The following MYO5C variants were observed in gnomAD, a reference collection of about 807,000 sequenced individuals.
MYO5C encodes the protein myosin VC, also known as unconventional myosin-Vc.
Under a neutral mutation model 235.7 loss-of-function variants are expected in MYO5C, and 194 were observed. That is an observed-to-expected ratio of 0.82 (90% CI 0.73 to 0.93). MYO5C has a LOEUF of 0.93. Ranked by LOEUF, MYO5C falls within the 40% of genes least tolerant of loss-of-function variation. The pLI is 0.00. For missense variants in MYO5C, 2,038 were observed against 2,127.2 expected (o/e 0.96, Z 0.82); for synonymous variants, 707 against 754.8 (o/e 0.94, Z 1.04).
At chr15:52,286,379 G>C (rs1168004239) in intron 1 of MYO5C, among the ~76,000 whole-genome samples, 38 of 148,870 alleles carry the variant, frequency 2.6e-4, no homozygotes, top group African/African-American at 6.9e-4. Flanking sequence ...GCCTCTGCCC[G>C]GCCGCCCCTA....
At chr15:52,248,066 A>G (rs1366166445) in intron 14 of MYO5C, among the ~76,000 whole-genome samples, 1 of 152,144 alleles carries the variant, frequency 6.6e-6, no homozygotes, top group Admixed American at 6.5e-5. Context: ...CATTTAAAGC[A>G]CTTACTACCT....
chr15:52,280,259 T>A (rs955726911), intron 2 of MYO5C, among the ~76,000 whole-genome samples: 1 of 152,216 alleles, frequency 6.6e-6, no homozygotes, highest in Non-Finnish European at 1.5e-5. Flanking sequence ...GTGTCTCCTG[T>A]CTGCAGTTGC....
chr15:52,295,613 C>T lies in MYO5C; in HGVS notation c.24G>A (p.Thr8=). 1 of 1,492,272 alleles carries T rather than the reference C, an allele frequency of 6.7e-7. No individual in the cohort carries two copies. Among genetic ancestry groups the T allele is most frequent in the East Asian group, 3.0e-5 (1 of 33,682 alleles). The allele number at this position is 1,492,272 out of a possible 1,614,324, so 92.4% of individuals were successfully genotyped here. The change falls in exon 1 of 41, where the codon ACG becomes ACA. Residue 8 remains threonine (T), a synonymous_variant. Transcript: ENST00000261839. ...GGAGCCCAGCGGACCCTCCTACCTG[C>T]GTGTACAGCTCGGCCACCGCCATGG... MAVAELY[T]QYNRVWIPDP... is the part of the protein sequence containing the mutation.
At chr15:52,214,571 A>T (rs746797868) in intron 33 of MYO5C, 32 bp downstream of exon 33, 1 of 1,489,192 alleles carries the variant, frequency 6.7e-7, no homozygotes. Context: ...GCCTTAGCTC[A>T]AAAGAATAAG....
chr15:52,196,192 C>T (rs2035048306), intron 39 of MYO5C, 117 bp downstream of exon 39: 2 of 918,254 alleles, frequency 2.2e-6, no homozygotes, highest in Non-Finnish European at 3.2e-6. Flanking sequence ...GATAGGTATG[C>T]TCCCGAGAGT....
intron 36 of MYO5C, among the ~76,000 whole-genome samples, chr15:52,207,789 A>G (rs1194776021): frequency 6.6e-6 from 1 of 152,230 alleles, no homozygotes; most frequent in Non-Finnish European, 1.5e-5. Context: ...ATCAGTAACA[A>G]AAAAACCAAC....
At position 52,196,330 on chromosome 15, in the gene MYO5C, G is replaced by A; in HGVS notation, c.4974C>T (p.Cys1658=). The A allele has an allele frequency of 6.2e-7, 1 of 1,612,230 alleles. No individual in the cohort carries two copies. Among genetic ancestry groups the A allele is most frequent in the Non-Finnish European group, 8.5e-7 (1 of 1,179,408 alleles). ...DSDAKEIYER[C]TSLSAVQIIK... ...TCACCTGCACAGCAGACAGTGAGGT[G>A]CAGCGTTCGTAGATCTCCTTGGCAT... Residue 1658 remains cysteine, a synonymous_variant, in exon 39 of 41, where the codon TGC becomes TGT. Transcript: ENST00000261839.
chr15:52,274,678 C>G (rs4776034), intron 5 of MYO5C, among the ~76,000 whole-genome samples: 85,261 of 147,576 alleles, frequency 0.58, 28,939 homozygotes, highest in Non-Finnish European at 0.74. Flanking sequence ...GTACCCCCCC[C>G]CCGACATATG....
At chr15:52,274,936 G>A (rs1329423435) in intron 5 of MYO5C, among the ~76,000 whole-genome samples, 2 of 152,050 alleles carry the variant, frequency 1.3e-5, no homozygotes, top group Non-Finnish European at 2.9e-5. Context: ...CCCATTTTGC[G>A]GGGCAGCTGG....
At chr15:52,257,134 T>G (rs2036600945) in intron 10 of MYO5C, among the ~76,000 whole-genome samples, 1 of 152,250 alleles carries the variant, frequency 6.6e-6, no homozygotes, top group South Asian at 2.1e-4. Flanking sequence ...TGCCTGTGCC[T>G]CCAATGAGAA....
rs1420073694 is a variant in MYO5C at position 52,196,314 on chromosome 15, C to A, written c.4990G>T (p.Val1664Leu). ...CACTAAGCAAGCCTGGTCACCTGCA[C>A]AGCAGACAGTGAGGTGCAGCGTTCG... ...IYERCTSLSA[V>L]QIIKILNSYT... The change falls in exon 39 of 41, where the codon GTG becomes TTG. Residue 1664 changes from valine (V) to leucine (L), a missense_variant. Physicochemically the swap from Val to Leu is conservative, Grantham distance 32. Coordinates refer to ENST00000261839, the MANE Select transcript of MYO5C (RefSeq NM_018728.4). 6.2e-7 allele frequency: 1 copy of A among 1,607,304 alleles called. No individual in the cohort carries two copies. The highest frequency in any genetic ancestry group is 8.5e-7 in the Non-Finnish European group (1 of 1,177,406).
rs2035285324 is a variant in MYO5C, at chr15:52,205,308, G to T, written c.4538-161C>A. 3.8e-6 allele frequency: 3 copies of T among 797,668 alleles called. No homozygotes were observed. In the East Asian group the frequency reaches 8.1e-5, roughly 22 times the overall value. 49.4% of individuals were successfully genotyped at this position (797,668 alleles called of 1,614,324 possible). A position where few individuals can be genotyped will look rare whatever the true frequency, so the allele number is the denominator to read the frequency against. ...AAAGAATCAAGGGTTTGGGACACCA[G>T]GGTGTGTGTCAGGGTTAGGGATGGA... is the stretch of plus-strand genomic sequence containing the variant. On this transcript the variant is annotated intron_variant, in intron 37 of 40. Transcript: ENST00000261839.
At chr15:52,231,229 G>A (rs577004311) in intron 24 of MYO5C, among the ~76,000 whole-genome samples, 1 of 152,310 alleles carries the variant, frequency 6.6e-6, no homozygotes, top group East Asian at 1.9e-4. Context: ...AATTTTGACA[G>A]GGGCCAGGAA....
At chr15:52,274,043 C>G (rs1476381370) in intron 5 of MYO5C, among the ~76,000 whole-genome samples, 1 of 152,146 alleles carries the variant, frequency 6.6e-6, no homozygotes, top group African/African-American at 2.4e-5. Flanking sequence ...TCAATTTCAT[C>G]TCTCCTCTGC....
At chr15:52,217,738 A>G (rs2035587464) in intron 32 of MYO5C, among the ~76,000 whole-genome samples, 1 of 152,166 alleles carries the variant, frequency 6.6e-6, no homozygotes, top group Non-Finnish European at 1.5e-5. Flanking sequence ...TTTTTCCTCT[A>G]TCAAGGTTTT....
intron 39 of MYO5C, among the ~76,000 whole-genome samples, chr15:52,195,978 T>TTTTTTC: frequency 7.3e-6 from 1 of 136,780 alleles, no homozygotes; most frequent in East Asian, 2.2e-4. Context: ...TTTTTTTTTT[T>TTTTTTC]TTTTTTTTTT....
At position 52,295,381 on chromosome 15, in the gene MYO5C, C is replaced by T. The variant is rs1175239996; in HGVS notation, c.27+229G>A. On this transcript the variant is annotated intron_variant, in intron 1 of 40. Transcript: ENST00000261839. ...CGCAGCGGAGCCAGGAGGGGGCTTA[C>T]CCGCGGGCAGGGACGGAGCACGCCG... Among the ~76,000 whole-genome samples, 5 of 152,290 alleles carry T rather than the reference C, an allele frequency of 3.3e-5. No homozygotes were observed. In the East Asian group the frequency reaches 9.7e-4, roughly 29 times the overall value.
At chr15:52,279,474 T>A (rs550724445) in intron 3 of MYO5C, 35 bp downstream of exon 3, 2 of 1,591,200 alleles carry the variant, frequency 1.3e-6, no homozygotes, top group Admixed American at 3.4e-5. Flanking sequence ...TACATTCCAG[T>A]GCCATTCCTT....
intron 1 of MYO5C, among the ~76,000 whole-genome samples, chr15:52,287,431 A>T (rs915575362): frequency 6.6e-6 from 1 of 152,228 alleles, no homozygotes; most frequent in African/African-American, 2.4e-5. Context: ...ATTAAAATGG[A>T]TTAGGAATGG....
Sources: allele counts gnomAD v4.1 joint callset (sites outside exome capture counted in the v4.1 genomes callset), GRCh38; gene constraint gnomAD v4.1.1; transcripts MANE v1.5; gene names NCBI Gene and HGNC (gene_info 2026-07-23, HGNC 2026-07-21).